ZFAT: variants seen among roughly 807,000 people sequenced by gnomAD.
The protein encoded by ZFAT is zinc finger protein ZFAT.
Under a neutral mutation model 117.7 loss-of-function variants are expected in ZFAT, and 64 were observed. The observed-to-expected ratio is 0.54, with a 90% CI of 0.44 to 0.67. The LOEUF (loss-of-function observed/expected upper bound fraction) is 0.67, where lower values mean the gene tolerates loss of function less well. ZFAT is among the 30% of genes least tolerant of loss of function. The pLI is 0.00. For synonymous variants in ZFAT, 679 were observed against 615.0 expected (o/e 1.10, Z -1.54); for missense variants, 1,433 against 1,584.5 (o/e 0.90, Z 1.62).
At position 134,509,769 on chromosome 8, in the gene ZFAT, G is replaced by T; in HGVS notation, c.3362-20C>A. ...GGTCGCCTTAAGAGGAAGAAGCAAA[G>T]AGGACACCATTCAGGCCACTGGTGC... On this transcript the variant is annotated intron_variant, in intron 14 of 15. Transcript: ENST00000377838. 6.3e-7 allele frequency: 1 copy of T among 1,584,468 alleles called. No individual in the cohort carries two copies. Among genetic ancestry groups the T allele is most frequent in the South Asian group, 1.1e-5 (1 of 87,124 alleles).
At chr8:134,590,190 G>T in intron 8 of ZFAT, 78 bp downstream of exon 8, 1 of 1,116,520 alleles carries the variant, frequency 9.0e-7, no homozygotes, top group Non-Finnish European at 1.3e-6. Flanking sequence ...ATATAGTGCA[G>T]TTAATGTAAA....
At chr8:134,677,877 G>A (rs1354656353) in intron 1 of ZFAT, among the ~76,000 whole-genome samples, 1 of 152,108 alleles carries the variant, frequency 6.6e-6, no homozygotes, top group Non-Finnish European at 1.5e-5. Flanking sequence ...CGCTGAAAAG[G>A]CCTTCGACAA....
At chr8:134,694,132 A>T (rs763580237) in intron 1 of ZFAT, among the ~76,000 whole-genome samples, 2 of 152,152 alleles carry the variant, frequency 1.3e-5, no homozygotes, top group African/African-American at 2.4e-5. Context: ...AAGAGACATG[A>T]CGCTGGAACG....
the ZFAT span, among the ~76,000 whole-genome samples, chr8:134,743,328 A>C: frequency 6.6e-6 from 1 of 152,220 alleles, no homozygotes; most frequent in South Asian, 2.1e-4. Flanking sequence ...GTCTCTACTA[A>C]AAATACAAAA....
rs199802452 is a variant in ZFAT, at chr8:134,608,792, C to G, written c.722G>C (p.Arg241Pro). The change falls in exon 5 of 16, where the codon CGG becomes CCG. Residue 241 changes from arginine to proline, a missense_variant. Transcript: ENST00000377838. ...SETTSADLVP[R>P]RGYQEYAIQQ... Reference sequence around the variant, plus strand: ...AATGGCGTATTCCTGGTAGCCTCTCCGAGGCACCAGGTCTGCTGAAGTGGT... The same window carrying G: ...AATGGCGTATTCCTGGTAGCCTCTCGGAGGCACCAGGTCTGCTGAAGTGGT... The G allele has an allele frequency of 6.2e-7, 1 of 1,610,664 alleles. No individual in the cohort carries two copies. Among genetic ancestry groups the G allele is most frequent in the African/African-American group, 1.3e-5 (1 of 74,872 alleles).
chr8:134,562,061 T>G (rs1224181039), intron 11 of ZFAT, among the ~76,000 whole-genome samples: 1 of 152,150 alleles, frequency 6.6e-6, no homozygotes, highest in Non-Finnish European at 1.5e-5. Flanking sequence ...CTCAGTGGGT[T>G]CAGTATAACC....
At chr8:134,644,586 C>T (rs1830770501) in intron 2 of ZFAT, among the ~76,000 whole-genome samples, 1 of 151,092 alleles carries the variant, frequency 6.6e-6, no homozygotes, top group South Asian at 2.1e-4. Context: ...ATACACAACC[C>T]ATGTACACAA....
chr8:134,646,124 G>A (rs1356445901), intron 2 of ZFAT, among the ~76,000 whole-genome samples: 4 of 152,208 alleles, frequency 2.6e-5, no homozygotes, highest in African/African-American at 4.8e-5. Context: ...CAGGAGAATC[G>A]CTTGAAACTG....
At chr8:134,666,123 A>G (rs1292822551) in intron 1 of ZFAT, among the ~76,000 whole-genome samples, 1 of 152,148 alleles carries the variant, frequency 6.6e-6, no homozygotes, top group East Asian at 1.9e-4. Flanking sequence ...GGGTAGTACT[A>G]AGGCACCCTT....
intron 1 of ZFAT, among the ~76,000 whole-genome samples, chr8:134,674,524 G>A (rs1045864776): frequency 6.6e-6 from 1 of 152,208 alleles, no homozygotes; most frequent in African/African-American, 2.4e-5. Context: ...TCCCTGGGAC[G>A]GAGCACCTGT....
rs1230722668 is a variant in ZFAT at position 134,669,526 on chromosome 8, A to G, written c.20-11789T>C. 7.9e-5 allele frequency among the ~76,000 whole-genome samples: 12 copies of G among 152,358 alleles called. No individual in the cohort carries two copies. The East Asian group carries it at 2.1e-3, about 27-fold the overall frequency. The stretch of plus-strand genomic sequence containing the variant: ...TAAGCTTCATAAGTGAAGGAGAAAT[A>G]AAATCCTTTACAGACAAGCAAATGC... On this transcript the variant is annotated intron_variant, in intron 1 of 15. Transcript: ENST00000377838.
intron 3 of ZFAT, among the ~76,000 whole-genome samples, chr8:134,632,947 T>G (rs945019509): frequency 6.6e-6 from 1 of 152,136 alleles, no homozygotes; most frequent in Non-Finnish European, 1.5e-5. Context: ...CAAAAGAGAC[T>G]GGCAAGGACA....
At chr8:134,758,653 T>A in the ZFAT span, among the ~76,000 whole-genome samples, 4 of 152,236 alleles carry the variant, frequency 2.6e-5, no homozygotes, top group Non-Finnish European at 5.9e-5. Flanking sequence ...GAAAAGCTGG[T>A]TTTCCTCCTA....
chr8:134,584,569 T>C (rs117432813), intron 9 of ZFAT, among the ~76,000 whole-genome samples: 19 of 152,360 alleles, frequency 1.2e-4, no homozygotes, highest in South Asian at 4.1e-4. Context: ...AATCGAACTT[T>C]ACCAACTGGT....
At chr8:134,486,865 A>G (rs1366420536) in intron 15 of ZFAT, among the ~76,000 whole-genome samples, 1 of 152,040 alleles carries the variant, frequency 6.6e-6, no homozygotes, top group Admixed American at 6.5e-5. Flanking sequence ...CATAGGGGTG[A>G]GGGGCGTGTG....
chr8:134,675,088 A>G (rs1323254452), intron 1 of ZFAT, among the ~76,000 whole-genome samples: 2 of 152,364 alleles, frequency 1.3e-5, no homozygotes, highest in South Asian at 4.1e-4. Context: ...GAGGGGACAA[A>G]GCTGGACGGA....
chr8:134,479,950 CTTTTTTT>C (rs35032412), intron 15 of ZFAT, among the ~76,000 whole-genome samples: 1 of 123,330 alleles, frequency 8.1e-6, no homozygotes, highest in African/African-American at 3.2e-5. Context: ...TTCAACCACA[CTTTTTTT>C]TTTTTTTTTT....
chr8:134,606,577 G>A (rs769106555), intron 5 of ZFAT, among the ~76,000 whole-genome samples: 3 of 151,830 alleles, frequency 2.0e-5, no homozygotes, highest in Admixed American at 6.6e-5. Flanking sequence ...AAAGCTGGCC[G>A]TGGTGGTGCA....
At chr8:134,662,152 T>C (rs563636442) in intron 1 of ZFAT, among the ~76,000 whole-genome samples, 12 of 152,304 alleles carry the variant, frequency 7.9e-5, no homozygotes, top group East Asian at 5.8e-4. Context: ...TCTTGCTGTG[T>C]CCTCACATGG....
Sources: gnomAD v4.1 joint callset for allele counts (sites outside exome capture counted in the v4.1 genomes callset) on GRCh38, gnomAD v4.1.1 for gene constraint, MANE v1.5 for transcripts, NCBI Gene and HGNC (gene_info 2026-07-23, HGNC 2026-07-21) for gene names.